Variants in NSD1 observed in about 807,000 individuals in gnomAD.
The protein encoded by NSD1 is nuclear receptor binding SET domain protein 1.
A neutral mutation model predicts 242.7 loss-of-function variants in NSD1; 26 were observed. That is an observed-to-expected ratio of 0.11 (90% CI 0.08 to 0.15). The LOEUF is 0.15. NSD1 is among the 10% of genes least tolerant of loss of function. The pLI, the probability that NSD1 is intolerant of heterozygous loss-of-function variation, is 1.00. For missense variants in NSD1, 2,495 were observed against 3,272.8 expected, an observed-to-expected ratio of 0.76 and a Z score of 5.80; for synonymous variants, 1,106 against 1,178.1, an observed-to-expected ratio of 0.94 and a Z score of 1.25.
At chr5:177,215,228 G>A (rs759379563) in intron 5 of NSD1, among the ~76,000 whole-genome samples, 7 of 149,826 alleles carry the variant, frequency 4.7e-5, no homozygotes, top group South Asian at 4.2e-4. Context: ...TGCCCAGGCC[G>A]GAGTGCAATG....
At chr5:177,177,679 A>C (rs1048477855) in intron 2 of NSD1, among the ~76,000 whole-genome samples, 1 of 152,022 alleles carries the variant, frequency 6.6e-6, no homozygotes, top group Non-Finnish European at 1.5e-5. Flanking sequence ...TCAGTATTAG[A>C]TTGTATGTTC....
chr5:177,171,447 G>A (rs575428811), intron 2 of NSD1, among the ~76,000 whole-genome samples: 177 of 152,228 alleles, frequency 1.2e-3, no homozygotes, highest in African/African-American at 4.1e-3. Context: ...TATATAATAT[G>A]TAGACTTTTG....
At chr5:177,251,541 T>C (rs993346878) in intron 11 of NSD1, among the ~76,000 whole-genome samples, 189 bp from the exon 12 acceptor site, 3 of 152,246 alleles carry the variant, frequency 2.0e-5, no homozygotes, top group Non-Finnish European at 4.4e-5. Flanking sequence ...ATTTTAGCTT[T>C]CCTTTGTTAA....
intron 5 of NSD1, among the ~76,000 whole-genome samples, chr5:177,219,561 T>A (rs1764077389): frequency 6.6e-6 from 1 of 152,214 alleles, no homozygotes; most frequent in Admixed American, 6.5e-5. Context: ...TGTTGTTTAA[T>A]TTCCACCTAT....
chr5:177,216,381 T>C (rs1367102189), intron 5 of NSD1, among the ~76,000 whole-genome samples: 1 of 152,188 alleles, frequency 6.6e-6, no homozygotes, highest in Non-Finnish European at 1.5e-5. Flanking sequence ...ACTTGTGCTT[T>C]GGGTCTCATA....
chr5:177,186,805 A>T (rs1313198048), intron 2 of NSD1, among the ~76,000 whole-genome samples: 1 of 152,136 alleles, frequency 6.6e-6, no homozygotes, highest in East Asian at 1.9e-4. Flanking sequence ...CCTGGGGAAC[A>T]CAGGGAGACC....
chr5:177,161,176 T>C (rs1021998474), intron 2 of NSD1, among the ~76,000 whole-genome samples: 1 of 151,956 alleles, frequency 6.6e-6, no homozygotes, highest in Non-Finnish European at 1.5e-5. Flanking sequence ...TTGAGCCCAG[T>C]AGTTTGAGAC....
At chr5:177,155,949 C>A (rs1385755826) in intron 2 of NSD1, among the ~76,000 whole-genome samples, 1 of 151,838 alleles carries the variant, frequency 6.6e-6, no homozygotes, top group East Asian at 1.9e-4. Context: ...AGGTGATATG[C>A]CCGACTCAGC....
intron 5 of NSD1, among the ~76,000 whole-genome samples, chr5:177,212,981 G>A (rs1489128734): frequency 6.6e-6 from 1 of 152,108 alleles, no homozygotes; most frequent in African/African-American, 2.4e-5. Flanking sequence ...CTGTTTTGTG[G>A]ACAATTTGAT....
intron 13 of NSD1, among the ~76,000 whole-genome samples, chr5:177,258,882 C>T (rs1201657719): frequency 6.6e-6 from 1 of 152,046 alleles, no homozygotes; most frequent in Non-Finnish European, 1.5e-5. Context: ...GGAGGTCTCG[C>T]TCTGTTGCCC....
At chr5:177,225,892 A>G (rs1764592368) in intron 5 of NSD1, among the ~76,000 whole-genome samples, 1 of 152,160 alleles carries the variant, frequency 6.6e-6, no homozygotes, top group East Asian at 1.9e-4. Flanking sequence ...CTCCAGAGAT[A>G]CTCAGTGTAT....
At chr5:177,249,455 A>ATTT (rs1213158862) in intron 11 of NSD1, among the ~76,000 whole-genome samples, 3 of 150,446 alleles carry the variant, frequency 2.0e-5, no homozygotes, top group Admixed American at 6.6e-5. Flanking sequence ...TTTATTAATT[A>ATTT]ATTATTTATT....
At chr5:177,220,118 C>A (rs951108276) in intron 5 of NSD1, among the ~76,000 whole-genome samples, 1 of 152,102 alleles carries the variant, frequency 6.6e-6, no homozygotes, top group Non-Finnish European at 1.5e-5. Context: ...CATTGTGGTT[C>A]TCTCCATTAT....
chr5:177,242,472 T>G (rs72813165), intron 8 of NSD1, among the ~76,000 whole-genome samples: 1,920 of 152,076 alleles, frequency 0.013, 18 homozygotes, highest in Non-Finnish European at 0.021. Context: ...TTATCTTGTT[T>G]TACTTCCAAA....
chr5:177,196,124 G>T (rs1312227288), intron 3 of NSD1, among the ~76,000 whole-genome samples: 3 of 152,138 alleles, frequency 2.0e-5, no homozygotes, highest in Non-Finnish European at 4.4e-5. Context: ...AGGGAAGAGA[G>T]AAGAAGATGG....
intron 16 of NSD1, 32 bp from the exon 17 acceptor site, chr5:177,273,640 T>C (rs1758122450): frequency 6.7e-7 from 1 of 1,498,702 alleles, no homozygotes; most frequent in Non-Finnish European, 9.3e-7. Flanking sequence ...ACCCAGAGAT[T>C]TTGAAGTGAC....
Position 177,238,748 on chromosome 5 carries a change from AT to A in NSD1, c.4192+243del, listed in dbSNP as rs1765636787. 6.6e-6 allele frequency among the ~76,000 whole-genome samples: 1 copy of A among 152,152 alleles called. No homozygotes were observed. Among genetic ancestry groups the A allele is most frequent in the Non-Finnish European group, 1.5e-5 (1 of 68,024 alleles). On this transcript the variant is annotated intron_variant, in intron 7 of 22. Transcript: ENST00000439151. The surrounding 1 kb of genome is among the most constrained non-coding windows in gnomAD (Gnocchi z 4.6). ...CCTTGCTCCAGTGTTGCTCTTCATG[AT>A]TGTTGATCAGCCACTGTGTAAATTA...
rs765630779 is a variant in NSD1 at position 177,210,891 on chromosome 5, G to T, written c.2492G>T (p.Gly831Val). Reference protein sequence around the residue: ...GSPLASISKSGKVDGLKLLNN... With the variant: ...GSPLASISKSVKVDGLKLLNN... ...CCTTTGGCCAGCATTTCTAAAAGTG[G>T]GAAAGTGGATGGTCTAAAACTACTG... Residue 831 changes from glycine (G) to valine (V), a missense_variant, in exon 5 of 23, where the codon GGG (glycine) becomes GTG (valine). Physicochemically the swap from Gly to Val is moderately radical, Grantham distance 109. Coordinates refer to ENST00000439151, the MANE Select transcript of NSD1 (RefSeq NM_022455.5). 3.1e-6 allele frequency: 5 copies of T among 1,614,012 alleles called. No homozygotes were observed.
At chr5:177,154,108 A>C (rs1241729953) in intron 2 of NSD1, among the ~76,000 whole-genome samples, 11 of 152,132 alleles carry the variant, frequency 7.2e-5, no homozygotes, top group Non-Finnish European at 8.8e-5. Context: ...TATGGATGCT[A>C]GCTCTTTGTA....
Sources: allele counts gnomAD v4.1 joint callset (sites outside exome capture counted in the v4.1 genomes callset), GRCh38; gene constraint gnomAD v4.1.1; non-coding constraint Gnocchi (gnomAD v3.1); transcripts MANE v1.5; gene names NCBI Gene and HGNC (gene_info 2026-07-23, HGNC 2026-07-21).